The following ZBTB44 variants were observed in gnomAD, a reference collection of about 807,000 sequenced individuals.
The protein encoded by ZBTB44 is zinc finger and BTB domain containing 44, also known as zinc finger and BTB domain-containing protein 44.
In ZBTB44, 15 loss-of-function variants were observed where a neutral mutation model predicts 54.0. The ratio of observed to expected loss-of-function variants is 0.28; its 90% CI spans 0.19 to 0.43. ZBTB44 has a LOEUF of 0.43. Among genes scored for constraint, ZBTB44 ranks in the 20% least tolerant of loss-of-function variants. The probability of loss-of-function intolerance (pLI) is 1.00; values close to 1 mark genes in which losing one functional copy is unlikely to be tolerated. For missense variants in ZBTB44, 487 were observed against 707.1 expected (o/e 0.69, Z 3.53); for synonymous variants, 230 against 250.1 (o/e 0.92, Z 0.76).
At chr11:130,267,507 G>C (rs1218090588) in intron 1 of ZBTB44, among the ~76,000 whole-genome samples, 2 of 151,924 alleles carry the variant, frequency 1.3e-5, no homozygotes, top group African/African-American at 2.4e-5. Flanking sequence ...CTAGGGTCAA[G>C]CAATCCTCCT....
intron 1 of ZBTB44, among the ~76,000 whole-genome samples, chr11:130,281,427 G>A (rs764883870): frequency 6.6e-6 from 1 of 151,962 alleles, no homozygotes; most frequent in Non-Finnish European, 1.5e-5. Context: ...AGCTAAGGTG[G>A]GAGGATGGCT....
chr11:130,232,376 A>C (rs1177625996), intron 7 of ZBTB44: 1 of 152,202 alleles, frequency 6.6e-6, no homozygotes, highest in African/African-American at 2.4e-5. Flanking sequence ...ACAAATATTT[A>C]GGATCAATAT....
chr11:130,251,479 C>G (rs555908882), intron 2 of ZBTB44, among the ~76,000 whole-genome samples: 17 of 152,182 alleles, frequency 1.1e-4, no homozygotes, highest in African/African-American at 4.1e-4. Context: ...ATAGCAACCC[C>G]AAGAGACATA....
At chr11:130,313,361 T>C (rs1277813205) in intron 1 of ZBTB44, among the ~76,000 whole-genome samples, 2 of 152,180 alleles carry the variant, frequency 1.3e-5, no homozygotes, top group Non-Finnish European at 2.9e-5. Context: ...TCATAATTAA[T>C]CAGTACATTA....
chr11:130,295,000 T>G (rs1941554647), intron 1 of ZBTB44, among the ~76,000 whole-genome samples: 1 of 151,910 alleles, frequency 6.6e-6, no homozygotes, highest in African/African-American at 2.4e-5. Context: ...TGTATACAAG[T>G]GGAAGCAACG....
chr11:130,238,734 A>G, intron 3 of ZBTB44, 127 bp from the exon 4 acceptor site: 1 of 976,166 alleles, frequency 1.0e-6, no homozygotes, highest in South Asian at 2.2e-5. Context: ...TTTAACTGTT[A>G]GACTTCAAGT....
chr11:130,307,980 C>T lies in ZBTB44; in HGVS notation c.-57+6395G>A, dbSNP rs757989797. 7.9e-5 allele frequency among the ~76,000 whole-genome samples: 12 copies of T among 152,310 alleles called. 1 individual carries two copies. Among genetic ancestry groups the T allele is most frequent in the South Asian group, 4.1e-4 (2 of 4,826 alleles). ...ACCTTAGGTGAGCCACCCGCCTCCG[C>T]CTCCCAAAGTACTGGGATTACAGGC... On this transcript the variant is annotated intron_variant, in intron 1 of 7. Transcript: ENST00000357899.
chr11:130,290,117 C>T (rs1698139903), intron 1 of ZBTB44, among the ~76,000 whole-genome samples: 1 of 152,132 alleles, frequency 6.6e-6, no homozygotes, highest in Non-Finnish European at 1.5e-5. Flanking sequence ...CACAAGTCTC[C>T]TTATACAAGG....
At chr11:130,233,560 C>G (rs1362270303) in intron 6 of ZBTB44, 178 bp from the exon 7 acceptor site, 2 of 1,427,428 alleles carry the variant, frequency 1.4e-6, no homozygotes, top group Middle Eastern at 2.6e-4. Context: ...AAATATTATA[C>G]AACATCCTGT....
intron 2 of ZBTB44, among the ~76,000 whole-genome samples, chr11:130,241,621 A>G (rs7932715): frequency 0.034 from 5,134 of 152,238 alleles, 201 homozygotes; most frequent in African/African-American, 0.091. Flanking sequence ...TCAGTGATAC[A>G]TACTACAAAT....
chr11:130,282,778 GTATTT>G (rs1307963088), intron 1 of ZBTB44, among the ~76,000 whole-genome samples: 4 of 152,150 alleles, frequency 2.6e-5, no homozygotes, highest in Admixed American at 2.0e-4. Flanking sequence ...ATTATCACCT[GTATTT>G]TATTTAGCCA....
intron 3 of ZBTB44, chr11:130,239,552 C>A: frequency 3.7e-6 from 1 of 271,700 alleles, no homozygotes; most frequent in Non-Finnish European, 7.1e-6. Flanking sequence ...CTGGAATTGG[C>A]CTGTGGTTCA....
At position 130,303,343 on chromosome 11, in the gene ZBTB44, A is replaced by G. The variant is rs1011504163; in HGVS notation, c.-57+11032T>C. 3.3e-5 allele frequency among the ~76,000 whole-genome samples: 5 copies of G among 152,204 alleles called. No individual in the cohort carries two copies. In the East Asian group the frequency reaches 9.6e-4, roughly 29 times the overall value. ...TAGCAAATCACTTCAGCATTAAAAA[A>G]TACATACCAAGGCCGGGCACAGTGG... On this transcript the variant is annotated intron_variant, in intron 1 of 7. Coordinates refer to ENST00000357899, the MANE Select transcript of ZBTB44 (RefSeq NM_001301098.2).
chr11:130,228,139 C>T lies in ZBTB44; in HGVS notation c.*3625G>A, dbSNP rs1399722755. ...CCTACAAAGAGGCAGGCAATCTCTA[C>T]CTGATGCAACGGGAGGCACCAGTAA... On this transcript the variant is annotated 3_prime_UTR_variant, in exon 8 of 8. Coordinates refer to ENST00000357899, the MANE Select transcript of ZBTB44 (RefSeq NM_001301098.2). 10 of 152,152 alleles carry T rather than the reference C, an allele frequency of 6.6e-5. No individual in the cohort carries two copies. Among genetic ancestry groups the T allele is most frequent in the Admixed American group, 6.6e-4 (10 of 15,264 alleles). 9.4% of individuals were successfully genotyped at this position (152,152 alleles called of 1,614,324 possible).
At chr11:130,258,165 G>A (rs766405385) in intron 2 of ZBTB44, among the ~76,000 whole-genome samples, 5 of 152,176 alleles carry the variant, frequency 3.3e-5, no homozygotes, top group Non-Finnish European at 7.3e-5. Context: ...ACTGCCAACT[G>A]TAAGACATAT....
chr11:130,288,957 TAAAAC>T (rs1459716093), intron 1 of ZBTB44, among the ~76,000 whole-genome samples: 4 of 151,642 alleles, frequency 2.6e-5, no homozygotes, highest in African/African-American at 9.7e-5. Flanking sequence ...GACAAGAACT[TAAAAC>T]AAGACTAAGC....
chr11:130,310,848 T>G (rs978629882), intron 1 of ZBTB44, among the ~76,000 whole-genome samples: 2 of 152,212 alleles, frequency 1.3e-5, no homozygotes, highest in Non-Finnish European at 2.9e-5. Context: ...GCAATTCTCC[T>G]GCCTCAGCTT....
In ZBTB44 at chr11:130,231,212, CAAT is replaced by C. The variant is rs1212210680; in HGVS notation, c.*549_*551del. The C allele has an allele frequency of 3.3e-5, 5 of 152,032 alleles. No individual in the cohort carries two copies. The highest frequency in any genetic ancestry group is 7.4e-5 in the Non-Finnish European group (5 of 67,960). 9.4% of individuals were successfully genotyped at this position (152,032 alleles called of 1,614,324 possible). On this transcript the variant is annotated 3_prime_UTR_variant, in exon 8 of 8. Coordinates refer to ENST00000357899, the MANE Select transcript of ZBTB44 (RefSeq NM_001301098.2). The stretch of plus-strand genomic sequence containing the variant: ...ATAAACCTAAATACTACTATATATA[CAAT>C]TATCCCTTGCAAATCTGTTTCCTAA...
At chr11:130,303,193 T>C (rs536557700) in intron 1 of ZBTB44, among the ~76,000 whole-genome samples, 1 of 152,354 alleles carries the variant, frequency 6.6e-6, no homozygotes, top group South Asian at 2.1e-4. Context: ...TCTAAAGTTG[T>C]TTCAGAAGCT....
Sources: gnomAD v4.1 joint callset for allele counts (sites outside exome capture counted in the v4.1 genomes callset) on GRCh38, gnomAD v4.1.1 for gene constraint, MANE v1.5 for transcripts, NCBI Gene and HGNC (gene_info 2026-07-23, HGNC 2026-07-21) for gene names.